The following NCAM2 variants were observed in gnomAD, a reference collection of about 807,000 sequenced individuals.
NCAM2 encodes N-CAM-2.
Under a neutral mutation model 98.1 loss-of-function variants are expected in NCAM2, and 30 were observed. The ratio of observed to expected loss-of-function variants is 0.31; its 90% CI spans 0.23 to 0.41. NCAM2 has a LOEUF of 0.41. Among genes scored for constraint, NCAM2 ranks in the 10% least tolerant of loss-of-function variants. NCAM2 has a pLI of 1.00. For synonymous variants in NCAM2, 368 were observed against 342.4 expected, an observed-to-expected ratio of 1.07 and a Z score of -0.83; for missense variants, 867 against 1,005.8, an observed-to-expected ratio of 0.86 and a Z score of 1.87.
rs558693678 is a variant in NCAM2 at position 21,512,908 on chromosome 21, G to A, written c.2282+3853G>A. Reference sequence around the variant, plus strand: ...TTGTTTCCTGTTGACATGTGGAAATGTTACTGATTATTGTACGTTGATTTT... The same window carrying A: ...TTGTTTCCTGTTGACATGTGGAAATATTACTGATTATTGTACGTTGATTTT... On this transcript the variant is annotated intron_variant, in intron 16 of 17. Coordinates refer to ENST00000400546, the MANE Select transcript of NCAM2 (RefSeq NM_004540.5). Among the ~76,000 whole-genome samples the A allele has an allele frequency of 1.2e-3, 184 of 152,078 alleles. 4 individuals carry two copies. The South Asian group carries it at 0.037, about 31-fold the overall frequency.
chr21:21,176,906 A>C (rs2068309590), intron 1 of NCAM2, among the ~76,000 whole-genome samples: 1 of 151,924 alleles, frequency 6.6e-6, no homozygotes, highest in Admixed American at 6.6e-5. Context: ...AAAACAACAA[A>C]GGCTGGAAGT....
intron 5 of NCAM2, among the ~76,000 whole-genome samples, chr21:21,292,504 A>T (rs542041340): frequency 1.2e-4 from 19 of 152,024 alleles, no homozygotes; most frequent in African/African-American, 4.3e-4. Context: ...CTGGAATTGT[A>T]GTTGTTGAAA....
At chr21:21,407,987 A>G (rs535828914) in intron 9 of NCAM2, among the ~76,000 whole-genome samples, 2 of 152,300 alleles carry the variant, frequency 1.3e-5, no homozygotes, top group Non-Finnish European at 2.9e-5. Flanking sequence ...ATTAAAATTT[A>G]TTTGACTATT....
chr21:21,517,959 C>G (rs761683169), intron 16 of NCAM2, among the ~76,000 whole-genome samples: 1 of 152,126 alleles, frequency 6.6e-6, no homozygotes, highest in Non-Finnish European at 1.5e-5. Context: ...AATAAATGAG[C>G]TTGAATCCCA....
chr21:21,419,779 G>C (rs2077073650), intron 11 of NCAM2, among the ~76,000 whole-genome samples: 2 of 152,150 alleles, frequency 1.3e-5, no homozygotes, highest in East Asian at 1.9e-4. Flanking sequence ...ACTTGGGTTG[G>C]TTCCAAGTCT....
chr21:21,347,882 T>C (rs904199859), intron 8 of NCAM2, among the ~76,000 whole-genome samples: 2 of 152,066 alleles, frequency 1.3e-5, no homozygotes, highest in African/African-American at 4.8e-5. Flanking sequence ...TTTCATTTGA[T>C]GCTGAAAGAG....
intron 1 of NCAM2, among the ~76,000 whole-genome samples, chr21:21,201,870 C>G (rs2069237218): frequency 6.6e-6 from 1 of 152,098 alleles, no homozygotes; most frequent in Admixed American, 6.6e-5. Context: ...TCTGAATTCT[C>G]AGATATTTCT....
intron 1 of NCAM2, among the ~76,000 whole-genome samples, chr21:21,167,387 T>C (rs781632886): frequency 7.9e-5 from 12 of 152,062 alleles, no homozygotes; most frequent in Non-Finnish European, 1.6e-4. Context: ...ATAAAAGAGA[T>C]ATTTATAATA....
At chr21:21,125,709 A>G (rs1277182039) in intron 1 of NCAM2, among the ~76,000 whole-genome samples, 2 of 49,198 alleles carry the variant, frequency 4.1e-5, no homozygotes, top group South Asian at 1.6e-3. Context: ...TTACATATAT[A>G]TATATAGAGA....
intron 1 of NCAM2, among the ~76,000 whole-genome samples, chr21:21,141,133 A>G (rs911497317): frequency 3.3e-5 from 5 of 152,186 alleles, no homozygotes; most frequent in African/African-American, 1.2e-4. Context: ...AAGACATAAC[A>G]CTTCATAATT....
At position 21,055,708 on chromosome 21, in the gene NCAM2, C is replaced by T. The variant is rs572864172; in HGVS notation, c.55+57090C>T. Among the ~76,000 whole-genome samples the T allele has an allele frequency of 5.1e-4, 77 of 152,188 alleles. 1 individual carries two copies. The South Asian group carries it at 7.1e-3, about 14-fold the overall frequency. On this transcript the variant is annotated intron_variant, in intron 1 of 17. Coordinates refer to ENST00000400546, the MANE Select transcript of NCAM2 (RefSeq NM_004540.5). The stretch of plus-strand genomic sequence containing the variant: ...GTTAGGAGAAGGCTCAGGGACACCC[C>T]ACTTGAGATTTGGGATTAGACTAAG...
At chr21:21,534,700 CA>C (rs745666207) in intron 17 of NCAM2, 44 bp downstream of exon 17, 1 of 1,447,838 alleles carries the variant, frequency 6.9e-7, no homozygotes, top group South Asian at 1.5e-5. Flanking sequence ...TGGGTATTGG[CA>C]AAATGATAAC....
At chr21:21,156,029 T>C (rs367836115) in intron 1 of NCAM2, among the ~76,000 whole-genome samples, 1 of 152,060 alleles carries the variant, frequency 6.6e-6, no homozygotes, top group African/African-American at 2.4e-5. Flanking sequence ...ACTGGTGAGT[T>C]TGTAGTAGTC....
intron 1 of NCAM2, among the ~76,000 whole-genome samples, chr21:21,199,975 T>C (rs2069150035): frequency 6.6e-6 from 1 of 152,096 alleles, no homozygotes; most frequent in Non-Finnish European, 1.5e-5. Flanking sequence ...TTAATTATAT[T>C]GCTGTGCATG....
At chr21:21,019,064 A>G (rs1463042825) in intron 1 of NCAM2, among the ~76,000 whole-genome samples, 1 of 152,186 alleles carries the variant, frequency 6.6e-6, no homozygotes, top group Non-Finnish European at 1.5e-5. Flanking sequence ...ATTGAGGCCA[A>G]TGACTGCTTA....
chr21:21,355,150 G>T, intron 8 of NCAM2, among the ~76,000 whole-genome samples: 1 of 151,800 alleles, frequency 6.6e-6, no homozygotes. Flanking sequence ...AGATTATTTC[G>T]TGACCGGGCA....
chr21:21,073,574 GC>G (rs1311384909), intron 1 of NCAM2, among the ~76,000 whole-genome samples: 1 of 152,132 alleles, frequency 6.6e-6, no homozygotes, highest in Non-Finnish European at 1.5e-5. Context: ...ATTTCAGTGA[GC>G]AATTAACCTA....
At chr21:21,053,903 T>G (rs1204769513) in intron 1 of NCAM2, among the ~76,000 whole-genome samples, 1 of 150,866 alleles carries the variant, frequency 6.6e-6, no homozygotes, top group Non-Finnish European at 1.5e-5. Context: ...AACATTACTA[T>G]GAGTACATAC....
intron 12 of NCAM2, among the ~76,000 whole-genome samples, chr21:21,449,842 T>C (rs1348657867): frequency 6.6e-6 from 1 of 152,074 alleles, no homozygotes; most frequent in Non-Finnish European, 1.5e-5. Context: ...ACAGATATGA[T>C]TTCAGAGGCT....
Sources: gnomAD v4.1 joint callset for allele counts (sites outside exome capture counted in the v4.1 genomes callset) on GRCh38, gnomAD v4.1.1 for gene constraint, MANE v1.5 for transcripts, NCBI Gene and HGNC (gene_info 2026-07-23, HGNC 2026-07-21) for gene names.